Variants in TMEM178B observed in about 807,000 individuals in gnomAD.
The protein encoded by TMEM178B is transmembrane protein 178B.
TMEM178B carries 5 observed loss-of-function variants against 31.0 expected under a neutral mutation model. The ratio of observed to expected loss-of-function variants is 0.16; its 90% CI spans 0.08 to 0.34. TMEM178B has a LOEUF of 0.34. TMEM178B is among the 10% of genes least tolerant of loss of function. TMEM178B has a pLI of 1.00. For missense variants in TMEM178B, 275 were observed against 400.3 expected, an observed-to-expected ratio of 0.69 and a Z score of 2.67; for synonymous variants, 164 against 164.0, an observed-to-expected ratio of 1.00 and a Z score of 0.00.
intron 1 of TMEM178B, among the ~76,000 whole-genome samples, chr7:141,116,601 C>T (rs943246596): frequency 6.6e-6 from 1 of 150,572 alleles, no homozygotes; most frequent in Admixed American, 6.6e-5. Context: ...CGTGCAGTGG[C>T]AGTTTGCTGC....
At chr7:141,316,262 A>G (rs755177719) in intron 2 of TMEM178B, among the ~76,000 whole-genome samples, 1 of 152,166 alleles carries the variant, frequency 6.6e-6, no homozygotes, top group South Asian at 2.1e-4. Flanking sequence ...CAGAAGCTTG[A>G]TTTAATTGCT....
intron 1 of TMEM178B, among the ~76,000 whole-genome samples, chr7:141,098,762 G>A (rs1795005543): frequency 6.6e-6 from 1 of 152,178 alleles, no homozygotes; most frequent in African/African-American, 2.4e-5. Flanking sequence ...AGAATGGGTT[G>A]ACAAGGCCAT....
intron 2 of TMEM178B, among the ~76,000 whole-genome samples, chr7:141,377,615 G>C (rs1262177451): frequency 6.6e-6 from 1 of 151,840 alleles, no homozygotes; most frequent in African/African-American, 2.4e-5. Context: ...AAGTTGCAGT[G>C]AGCCAAGATT....
At chr7:141,450,622 C>T (rs79538604) in intron 3 of TMEM178B, among the ~76,000 whole-genome samples, 7,519 of 152,170 alleles carry the variant, frequency 0.049, 416 homozygotes, top group East Asian at 0.23. Flanking sequence ...TTTTGGGTAA[C>T]ACCTTACAGT....
At chr7:141,154,687 C>T (rs1057303190) in intron 1 of TMEM178B, among the ~76,000 whole-genome samples, 6 of 152,122 alleles carry the variant, frequency 3.9e-5, no homozygotes, top group Admixed American at 1.3e-4. Flanking sequence ...TTAGCTGGAG[C>T]CCTGGAGCTC....
At chr7:141,505,327 T>C in the TMEM178B span, among the ~76,000 whole-genome samples, 2 of 152,262 alleles carry the variant, frequency 1.3e-5, no homozygotes, top group African/African-American at 4.8e-5. Flanking sequence ...GCAGTGAGAA[T>C]GACCAAGTCA....
chr7:141,281,757 G>A (rs1041600847), intron 2 of TMEM178B, among the ~76,000 whole-genome samples: 1 of 152,164 alleles, frequency 6.6e-6, no homozygotes, highest in African/African-American at 2.4e-5. Context: ...TCAGCAGAGG[G>A]AACAGCATGT....
chr7:141,159,913 A>G (rs1796140308), intron 1 of TMEM178B, among the ~76,000 whole-genome samples: 1 of 151,734 alleles, frequency 6.6e-6, no homozygotes. Flanking sequence ...TGAACTGAAC[A>G]CTACCGAGCT....
At chr7:141,086,837 G>A (rs898087916) in intron 1 of TMEM178B, among the ~76,000 whole-genome samples, 1 of 152,042 alleles carries the variant, frequency 6.6e-6, no homozygotes, top group African/African-American at 2.4e-5. Flanking sequence ...ACAGGCACCT[G>A]CCACCACGCC....
At chr7:141,483,386 G>A (rs1802509460), downstream of TMEM178B, among the ~76,000 whole-genome samples, 1 of 152,154 alleles carries the variant, frequency 6.6e-6, no homozygotes, top group Admixed American at 6.5e-5. Flanking sequence ...AGACCATTAT[G>A]TCTAGCGGTC....
intron 2 of TMEM178B, among the ~76,000 whole-genome samples, chr7:141,428,727 C>T (rs1399312235): frequency 6.6e-6 from 1 of 152,186 alleles, no homozygotes; most frequent in Non-Finnish European, 1.5e-5. Context: ...ATCTTAAGGG[C>T]CAAGCAGGGC....
intron 2 of TMEM178B, among the ~76,000 whole-genome samples, chr7:141,426,123 A>C (rs1801311864): frequency 6.6e-6 from 1 of 152,252 alleles, no homozygotes; most frequent in South Asian, 2.1e-4. Context: ...AGATTGGAGA[A>C]GAGAAAAATT....
At chr7:141,137,801 T>C (rs944315730) in intron 1 of TMEM178B, among the ~76,000 whole-genome samples, 5 of 152,216 alleles carry the variant, frequency 3.3e-5, no homozygotes, top group African/African-American at 1.2e-4. Flanking sequence ...TATGTACAAT[T>C]ATTGTGTATC....
chr7:141,481,619 A>C (rs1212618617), downstream of TMEM178B, among the ~76,000 whole-genome samples: 1 of 152,196 alleles, frequency 6.6e-6, no homozygotes, highest in Non-Finnish European at 1.5e-5. Context: ...ACTTCTTTAA[A>C]AGGGGCATCC....
chr7:141,169,774 C>T (rs959199949), intron 1 of TMEM178B, among the ~76,000 whole-genome samples: 6 of 152,164 alleles, frequency 3.9e-5, no homozygotes, highest in African/African-American at 1.2e-4. Flanking sequence ...CAATTTTCCA[C>T]GTTTTGATTT....
chr7:141,427,560 T>C (rs1801342027), intron 2 of TMEM178B, among the ~76,000 whole-genome samples: 2 of 152,182 alleles, frequency 1.3e-5, no homozygotes, highest in African/African-American at 4.8e-5. Flanking sequence ...TAACTCAAAA[T>C]GGATTAAAGA....
intron 2 of TMEM178B, among the ~76,000 whole-genome samples, chr7:141,321,847 G>T (rs1799104610): frequency 6.6e-6 from 1 of 151,068 alleles, no homozygotes; most frequent in Admixed American, 6.6e-5. Flanking sequence ...AAGCTCTCTA[G>T]GTGAGTCTCA....
chr7:141,225,077 A>G (rs1209115513), intron 2 of TMEM178B, among the ~76,000 whole-genome samples: 1 of 152,194 alleles, frequency 6.6e-6, no homozygotes, highest in African/African-American at 2.4e-5. Flanking sequence ...GTCTGATGCA[A>G]TCAAGGTTGC....
intron 2 of TMEM178B, among the ~76,000 whole-genome samples, chr7:141,355,585 G>A (rs1799805483): frequency 6.6e-6 from 1 of 152,202 alleles, no homozygotes; most frequent in African/African-American, 2.4e-5. Flanking sequence ...ATGCAGATGG[G>A]CATTCAACAC....
Sources: allele counts gnomAD v4.1 joint callset (sites outside exome capture counted in the v4.1 genomes callset), GRCh38; gene constraint gnomAD v4.1.1; transcripts MANE v1.5; gene names NCBI Gene and HGNC (gene_info 2026-07-23, HGNC 2026-07-21).